Variants in IGSF11 observed in about 807,000 individuals in gnomAD.
IGSF11 encodes the protein CXADR like 1.
IGSF11 carries 22 observed loss-of-function variants against 41.0 expected under a neutral mutation model. The observed-to-expected ratio is 0.54, with a 90% confidence interval of 0.38 to 0.77. The LOEUF is 0.77. Ranked by LOEUF, IGSF11 falls within the 30% of genes least tolerant of loss-of-function variation. The pLI is 0.00. For missense variants in IGSF11, 444 were observed against 530.8 expected, an observed-to-expected ratio of 0.84 and a Z score of 1.61; for synonymous variants, 219 against 201.3, an observed-to-expected ratio of 1.09 and a Z score of -0.74.
At chr3:119,138,954 C>T (rs1444006258) in intron 1 of IGSF11, among the ~76,000 whole-genome samples, 1 of 151,998 alleles carries the variant, frequency 6.6e-6, no homozygotes, top group East Asian at 1.9e-4. Context: ...CTAGTATTTG[C>T]TAGCACAACA....
At chr3:119,095,724 G>A (rs1465762873) in intron 1 of IGSF11, among the ~76,000 whole-genome samples, 1 of 152,178 alleles carries the variant, frequency 6.6e-6, no homozygotes, top group Non-Finnish European at 1.5e-5. Context: ...ACATGCAGTA[G>A]GTTGCTTTAC....
At chr3:119,050,897 C>CA (rs1445781755) in intron 1 of IGSF11, among the ~76,000 whole-genome samples, 2 of 146,490 alleles carry the variant, frequency 1.4e-5, no homozygotes, top group Non-Finnish European at 3.0e-5. Flanking sequence ...ATCGCAAGGA[C>CA]AAAAAACCAA....
upstream of IGSF11, chr3:119,035,010 C>T (rs1164304808): frequency 7.0e-5 from 14 of 200,314 alleles, no homozygotes; most frequent in East Asian, 1.8e-4. Flanking sequence ...GAGCAGAGCG[C>T]GGCGCGCAGC....
intron 1 of IGSF11, among the ~76,000 whole-genome samples, chr3:119,052,693 A>C (rs1383004013): frequency 6.6e-6 from 1 of 152,120 alleles, no homozygotes; most frequent in Non-Finnish European, 1.5e-5. Context: ...CAGAAAAAAA[A>C]AAAGAAACCT....
At chr3:118,958,557 G>T (rs1352574911) in intron 1 of IGSF11, among the ~76,000 whole-genome samples, 1 of 152,002 alleles carries the variant, frequency 6.6e-6, no homozygotes, top group Non-Finnish European at 1.5e-5. Context: ...TAAGCAGCAA[G>T]ATAAAAAAAT....
chr3:119,094,197 A>AAT (rs891769404), intron 1 of IGSF11, among the ~76,000 whole-genome samples: 1 of 144,568 alleles, frequency 6.9e-6, no homozygotes, highest in African/African-American at 2.5e-5. Flanking sequence ...CCCACATAAA[A>AAT]TGGAAAGAAG....
At chr3:118,982,274 A>T (rs1451018168) in intron 1 of IGSF11, among the ~76,000 whole-genome samples, 3 of 152,190 alleles carry the variant, frequency 2.0e-5, no homozygotes, top group Non-Finnish European at 4.4e-5. Context: ...CCAGAGAGAG[A>T]CCACAATACC....
chr3:119,137,707 C>A (rs1484702529), intron 1 of IGSF11, among the ~76,000 whole-genome samples: 1 of 152,016 alleles, frequency 6.6e-6, no homozygotes, highest in African/African-American at 2.4e-5. Flanking sequence ...CAAAAATGGA[C>A]AAATTGGATA....
At chr3:119,045,509 G>A (rs757315813) in intron 1 of IGSF11, among the ~76,000 whole-genome samples, 20 of 152,110 alleles carry the variant, frequency 1.3e-4, no homozygotes, top group Non-Finnish European at 2.2e-4. Flanking sequence ...ACGGAGTCTC[G>A]CTGATTGCTA....
chr3:118,976,265 C>T (rs1934088741), intron 1 of IGSF11, among the ~76,000 whole-genome samples: 1 of 152,186 alleles, frequency 6.6e-6, no homozygotes, highest in South Asian at 2.1e-4. Context: ...AAGTCAATGT[C>T]CAAAAATGAA....
intron 1 of IGSF11, among the ~76,000 whole-genome samples, chr3:118,995,306 G>A (rs1438586501): frequency 6.6e-6 from 1 of 152,118 alleles, no homozygotes; most frequent in Non-Finnish European, 1.5e-5. Context: ...AAAGCAAAAA[G>A]CAAATCACTT....
chr3:119,004,882 A>G (rs1052065603), intron 1 of IGSF11, among the ~76,000 whole-genome samples: 5 of 152,170 alleles, frequency 3.3e-5, no homozygotes, highest in East Asian at 1.9e-4. Context: ...TTTACTTCCA[A>G]CTATGTGGTC....
chr3:119,102,684 T>C (rs2076955900), intron 1 of IGSF11, among the ~76,000 whole-genome samples: 2 of 152,332 alleles, frequency 1.3e-5, no homozygotes, highest in Non-Finnish European at 1.5e-5. Context: ...TCAATTATTT[T>C]TGTCCCTAAT....
intron 1 of IGSF11, among the ~76,000 whole-genome samples, chr3:119,056,050 C>T (rs1941820044): frequency 6.6e-6 from 1 of 151,916 alleles, no homozygotes; most frequent in Admixed American, 6.6e-5. Flanking sequence ...CCTAATATCA[C>T]AATTAAAAGA....
chr3:118,960,010 A>T (rs1011438679), intron 1 of IGSF11, among the ~76,000 whole-genome samples: 1 of 151,726 alleles, frequency 6.6e-6, no homozygotes, highest in African/African-American at 2.4e-5. Flanking sequence ...GCGCCACTGC[A>T]CTACAGCCTG....
At chr3:118,959,887 A>T (rs1945219465) in intron 1 of IGSF11, among the ~76,000 whole-genome samples, 1 of 148,932 alleles carries the variant, frequency 6.7e-6, no homozygotes, top group Non-Finnish European at 1.5e-5. Context: ...CTCTAAAAAT[A>T]AAAAAAAATT....
intron 1 of IGSF11, among the ~76,000 whole-genome samples, chr3:119,124,204 A>C (rs1423469198): frequency 6.6e-6 from 1 of 151,852 alleles, no homozygotes; most frequent in African/African-American, 2.4e-5. Context: ...TGAAATAATT[A>C]AAATAAGCAC....
intron 1 of IGSF11, among the ~76,000 whole-genome samples, chr3:119,104,171 A>C (rs558918850): frequency 8.9e-4 from 135 of 152,332 alleles, no homozygotes; most frequent in Middle Eastern, 3.4e-3. Flanking sequence ...TACAACCAGC[A>C]TGATCTAAAG....
intron 2 of IGSF11, among the ~76,000 whole-genome samples, chr3:118,929,289 A>G (rs1028503306): frequency 1.3e-5 from 2 of 152,218 alleles, no homozygotes; most frequent in African/African-American, 2.4e-5. Flanking sequence ...TGTGTTTAGT[A>G]ACTCTACTCA....
Sources: allele counts gnomAD v4.1 joint callset (sites outside exome capture counted in the v4.1 genomes callset), GRCh38; gene constraint gnomAD v4.1.1; transcripts MANE v1.5; gene names NCBI Gene and HGNC (gene_info 2026-07-23, HGNC 2026-07-21).